The following CFAP61 variants were observed in gnomAD, a reference collection of about 807,000 sequenced individuals.
CFAP61 encodes the protein cilia and flagella associated protein 61, also known as cilia- and flagella-associated protein 61.
A neutral mutation model predicts 135.6 loss-of-function variants in CFAP61; 107 were observed. The observed-to-expected ratio is 0.79, with a 90% CI of 0.67 to 0.93. CFAP61 has a LOEUF of 0.93. CFAP61 is among the 40% of genes least tolerant of loss of function. The pLI, the probability that CFAP61 is intolerant of heterozygous loss-of-function variation, is 0.00. For missense variants in CFAP61, 1,507 were observed against 1,556.2 expected, an observed-to-expected ratio of 0.97 and a Z score of 0.53; for synonymous variants, 575 against 578.5, an observed-to-expected ratio of 0.99 and a Z score of 0.09.
intron 25 of CFAP61, among the ~76,000 whole-genome samples, chr20:20,331,529 A>C (rs554850524): frequency 1.3e-5 from 2 of 152,290 alleles, no homozygotes; most frequent in South Asian, 4.1e-4. Context: ...TATTTTAAAC[A>C]CATTTCAAAC....
intron 17 of CFAP61, among the ~76,000 whole-genome samples, chr20:20,207,357 C>T (rs1251615495): frequency 1.3e-5 from 2 of 152,212 alleles, no homozygotes; most frequent in East Asian, 1.9e-4. Context: ...GGATGCTGAT[C>T]GGGTTCTTGC....
At chr20:20,055,589 CTTTTCTTG>C (rs1169701711) in intron 1 of CFAP61, among the ~76,000 whole-genome samples, 1 of 152,144 alleles carries the variant, frequency 6.6e-6, no homozygotes, top group Non-Finnish European at 1.5e-5. Flanking sequence ...TTTCTTTCTT[CTTTTCTTG>C]TTTTCTTTTT....
intron 6 of CFAP61, among the ~76,000 whole-genome samples, chr20:20,076,088 C>T (rs1023364427): frequency 3.0e-4 from 45 of 152,242 alleles, no homozygotes; most frequent in African/African-American, 9.6e-4. Flanking sequence ...CAGTGTTTTC[C>T]AAAGATGGCT....
At chr20:20,212,667 C>G (rs1051607455) in intron 17 of CFAP61, among the ~76,000 whole-genome samples, 1 of 152,306 alleles carries the variant, frequency 6.6e-6, no homozygotes, top group Non-Finnish European at 1.5e-5. Flanking sequence ...CTGCTATCCT[C>G]CACCCCCACC....
At chr20:20,297,854 C>T (rs2055760273) in intron 24 of CFAP61, among the ~76,000 whole-genome samples, 1 of 152,150 alleles carries the variant, frequency 6.6e-6, no homozygotes, top group African/African-American at 2.4e-5. Context: ...TGTTAAAACA[C>T]CTCAGAGGAG....
chr20:20,144,796 T>A (rs1308950710), intron 9 of CFAP61, among the ~76,000 whole-genome samples: 1 of 151,924 alleles, frequency 6.6e-6, no homozygotes. Context: ...GAAGTCAAGT[T>A]AGGAACAGAG....
intron 18 of CFAP61, among the ~76,000 whole-genome samples, chr20:20,239,297 A>G (rs2049840659): frequency 6.6e-6 from 1 of 152,252 alleles, no homozygotes; most frequent in African/African-American, 2.4e-5. Flanking sequence ...ATCGGATTAT[A>G]GAGAGAACCA....
intron 2 of CFAP61, among the ~76,000 whole-genome samples, chr20:20,058,489 G>T (rs916708101): frequency 6.6e-6 from 1 of 152,172 alleles, no homozygotes; most frequent in Non-Finnish European, 1.5e-5. Context: ...GCTTTGCAAA[G>T]AATGGAAGAT....
chr20:20,185,118 C>T (rs1405688456), intron 13 of CFAP61, among the ~76,000 whole-genome samples: 2 of 152,138 alleles, frequency 1.3e-5, no homozygotes, highest in Non-Finnish European at 2.9e-5. Context: ...TTATTAGACT[C>T]CCTGCTGAAT....
At chr20:20,330,565 G>C (rs1406348951) in intron 25 of CFAP61, among the ~76,000 whole-genome samples, 1 of 152,068 alleles carries the variant, frequency 6.6e-6, no homozygotes, top group Non-Finnish European at 1.5e-5. Context: ...TCGAACTCCT[G>C]ACCTCAAGTG....
At chr20:20,119,640 A>AT (rs35385716) in intron 8 of CFAP61, among the ~76,000 whole-genome samples, 7,639 of 151,640 alleles carry the variant, frequency 0.05, 290 homozygotes, top group Non-Finnish European at 0.073. Context: ...TGAAGAAATG[A>AT]TTTTTTTTTA....
chr20:20,118,764 T>C lies in CFAP61; in HGVS notation c.859+19950T>C, dbSNP rs111256833. Reference sequence around the variant, plus strand: ...ATCACATAGTTTTTGTTCTTGGTTTTGTTAATGGGATGTATCACATTTATT... The same window carrying C: ...ATCACATAGTTTTTGTTCTTGGTTTCGTTAATGGGATGTATCACATTTATT... On this transcript the variant is annotated intron_variant, in intron 8 of 26. Coordinates refer to ENST00000245957, the MANE Select transcript of CFAP61 (RefSeq NM_015585.4). 3.8e-3 allele frequency among the ~76,000 whole-genome samples: 585 copies of C among 152,338 alleles called. 4 individuals are homozygous for C. The highest frequency in any genetic ancestry group is 0.014 in the African/African-American group (564 of 41,570).
At chr20:20,121,141 C>T (rs1365100137) in intron 8 of CFAP61, among the ~76,000 whole-genome samples, 2 of 135,118 alleles carry the variant, frequency 1.5e-5, no homozygotes, top group Non-Finnish European at 3.1e-5. Flanking sequence ...GGGTCTCCCT[C>T]TGTCACCCAG....
At chr20:20,070,803 CCTCA>C in intron 2 of CFAP61, 47 bp from the exon 3 acceptor site, 6 of 1,570,086 alleles carry the variant, frequency 3.8e-6, no homozygotes, top group Non-Finnish European at 5.2e-6. Context: ...CATGTCCTCA[CCTCA>C]CTTTTTGTAA....
In CFAP61 at chr20:20,288,610, T is replaced by C. The variant is rs1484872388; in HGVS notation, c.2798T>C (p.Met933Thr). The C allele has an allele frequency of 2.5e-6, 4 of 1,609,650 alleles. No homozygotes were observed. The highest frequency in any genetic ancestry group is 1.7e-5 in the Admixed American group (1 of 59,980). ...TTGCTGTAATTGTTCACTTCGTAGA[T>C]GTTCTTCAGCTTCTGTGAGAAGAAT... ...PTKPFRLQCS[M>T]FFSFCEKNVD... is the part of the protein sequence containing the mutation. Residue 933 changes from methionine (M) to threonine (T), a missense_variant and splice_region_variant, in exon 23 of 27, where the codon ATG becomes ACG. Met to Thr is a moderately conservative substitution (Grantham distance 81). Coordinates refer to ENST00000245957, the MANE Select transcript of CFAP61 (RefSeq NM_015585.4).
At chr20:20,316,352 G>A (rs1479294638) in intron 25 of CFAP61, among the ~76,000 whole-genome samples, 9 of 151,648 alleles carry the variant, frequency 5.9e-5, no homozygotes, top group Non-Finnish European at 1.3e-4. Context: ...TCTGTTGTTG[G>A]TATATAAGAA....
intron 21 of CFAP61, chr20:20,265,337 C>G (rs1324270188): frequency 1.3e-6 from 1 of 778,210 alleles, no homozygotes; most frequent in Non-Finnish European, 2.4e-6. Context: ...ATATTGATAG[C>G]AGAGAATTTA....
At chr20:20,335,467 T>TGGCC (rs1232893411) in intron 25 of CFAP61, among the ~76,000 whole-genome samples, 1 of 152,252 alleles carries the variant, frequency 6.6e-6, no homozygotes, top group Non-Finnish European at 1.5e-5. Context: ...GAAAGCCATA[T>TGGCC]GGCCAACTAT....
intron 6 of CFAP61, among the ~76,000 whole-genome samples, chr20:20,081,137 A>T (rs1409839279): frequency 2.0e-5 from 3 of 152,216 alleles, no homozygotes; most frequent in Non-Finnish European, 4.4e-5. Context: ...AAATACTTGA[A>T]TTTAAAGTAA....
Sources: allele counts gnomAD v4.1 joint callset (sites outside exome capture counted in the v4.1 genomes callset), GRCh38; gene constraint gnomAD v4.1.1; transcripts MANE v1.5; gene names NCBI Gene and HGNC (gene_info 2026-07-23, HGNC 2026-07-21).